FOXP1: variants seen among roughly 807,000 people sequenced by gnomAD.
FOXP1 encodes forkhead box protein P1.
FOXP1 carries 15 observed loss-of-function variants against 98.2 expected under a neutral mutation model. The ratio of observed to expected loss-of-function variants is 0.15; its 90% confidence interval spans 0.10 to 0.24. The LOEUF (loss-of-function observed/expected upper bound fraction) is 0.24. Among genes scored for constraint, FOXP1 ranks in the 10% least tolerant of loss-of-function variants. The probability of loss-of-function intolerance (pLI) is 1.00; values close to 1 mark genes in which losing one functional copy is unlikely to be tolerated. For synonymous variants in FOXP1, 371 were observed against 314.5 expected (o/e 1.18, Z -1.90); for missense variants, 633 against 848.5 (o/e 0.75, Z 3.15).
chr3:71,512,734 T>G (rs757765413), intron 2 of FOXP1, among the ~76,000 whole-genome samples: 1 of 152,170 alleles, frequency 6.6e-6, no homozygotes, highest in Non-Finnish European at 1.5e-5. Flanking sequence ...GTCAACCAAC[T>G]TGGATTCTCA....
chr3:71,040,529 A>G (rs1274152335), intron 11 of FOXP1: 1 of 152,310 alleles, frequency 6.6e-6, no homozygotes, highest in African/African-American at 2.4e-5. Flanking sequence ...TACTAAGAAT[A>G]CCATAACATG....
chr3:71,463,403 AC>A (rs1431570787), intron 3 of FOXP1, among the ~76,000 whole-genome samples: 2 of 146,972 alleles, frequency 1.4e-5, no homozygotes, highest in African/African-American at 5.0e-5. Flanking sequence ...GAATATACCC[AC>A]CACAGGTCAC....
At chr3:71,036,448 T>C (rs1465144478) in intron 11 of FOXP1, among the ~76,000 whole-genome samples, 1 of 152,060 alleles carries the variant, frequency 6.6e-6, no homozygotes, top group Non-Finnish European at 1.5e-5. Context: ...TTGGAACAAA[T>C]ACTTAGAACA....
chr3:70,977,124 T>C, intron 16 of FOXP1, 82 bp from the exon 17 acceptor site: 2 of 926,772 alleles, frequency 2.2e-6, no homozygotes, highest in Non-Finnish European at 3.6e-6. Flanking sequence ...AAATATAAAA[T>C]CACTGTGATT....
chr3:71,183,968 C>G (rs1299642300), intron 6 of FOXP1, among the ~76,000 whole-genome samples: 1 of 152,120 alleles, frequency 6.6e-6, no homozygotes, highest in African/African-American at 2.4e-5. Context: ...GCCTGACCAA[C>G]ATGGAGAAAC....
chr3:71,011,862 G>A lies in FOXP1; in HGVS notation c.974+3687C>T, dbSNP rs557102537. Among the ~76,000 whole-genome samples, 3 of 152,260 alleles carry A rather than the reference G, an allele frequency of 2.0e-5. No individual in the cohort carries two copies. The South Asian group carries it at 6.2e-4, about 32-fold the overall frequency. On this transcript the variant is annotated intron_variant, in intron 12 of 20. Coordinates refer to ENST00000649528, the MANE Select transcript of FOXP1 (RefSeq NM_001349338.3). ...TGCCAGACTTCTAATATCTTTAGAA[G>A]AGAAATGGGCTCTTTTATAGGAATT...
rs1310401541 is a variant in FOXP1 at position 71,023,288 on chromosome 3, C to T, written c.870-7635G>A. ...TCCATGTGCACAACTTTATGTCAAC[C>T]TAACAACACTGTAAGCCACAGAATC... On this transcript the variant is annotated intron_variant, in intron 11 of 20. Transcript: ENST00000649528. Among the ~76,000 whole-genome samples, 3 of 152,192 alleles carry T rather than the reference C, an allele frequency of 2.0e-5. No homozygotes were observed. The East Asian group carries it at 5.8e-4, about 29-fold the overall frequency.
intron 5 of FOXP1, among the ~76,000 whole-genome samples, chr3:71,240,643 C>T (rs1416147464): frequency 2.6e-5 from 4 of 151,874 alleles, no homozygotes; most frequent in South Asian, 4.1e-4. Context: ...CCGGGGTTCA[C>T]GCCATTCTCC....
At chr3:71,068,809 T>C (rs1456725877) in intron 7 of FOXP1, among the ~76,000 whole-genome samples, 4 of 152,212 alleles carry the variant, frequency 2.6e-5, no homozygotes, top group African/African-American at 7.2e-5. Context: ...ACATGCCTGA[T>C]GGCCTACTCA....
chr3:70,989,270 G>A lies in FOXP1; in HGVS notation c.1063-1193C>T, dbSNP rs964730982. 5.9e-5 allele frequency among the ~76,000 whole-genome samples: 9 copies of A among 152,038 alleles called. No homozygotes were observed. The South Asian group carries it at 1.5e-3, about 25-fold the overall frequency. On this transcript the variant is annotated intron_variant, in intron 13 of 20. Transcript: ENST00000649528. ...AAAAGCTTTCAGCTTATCCCTACTG[G>A]ATGACTCAGTCTCCAGCCATATCAC... is the stretch of plus-strand genomic sequence containing the variant.
At chr3:70,986,516 G>C (rs2039763646) in intron 14 of FOXP1, among the ~76,000 whole-genome samples, 2 of 152,322 alleles carry the variant, frequency 1.3e-5, no homozygotes, top group South Asian at 4.1e-4. Flanking sequence ...GCCATCTGAA[G>C]ACTTTCAAAA....
rs183529146 is a variant in FOXP1 at position 71,317,119 on chromosome 3, C to T, written c.-72-17239G>A. ...ATTCTAACAGCTCCTACTTTCTACT[C>T]CACTTTTACTACCCTCTAGGAAAAG... is the stretch of plus-strand genomic sequence containing the variant. On this transcript the variant is annotated intron_variant, in intron 4 of 20. Transcript: ENST00000649528. Among the ~76,000 whole-genome samples, 39 of 152,322 alleles carry T rather than the reference C, an allele frequency of 2.6e-4. No homozygotes were observed. In the South Asian group the frequency reaches 7.0e-3, roughly 28 times the overall value.
chr3:71,028,237 A>G (rs2046397298), intron 11 of FOXP1, among the ~76,000 whole-genome samples: 1 of 152,150 alleles, frequency 6.6e-6, no homozygotes, highest in Non-Finnish European at 1.5e-5. Context: ...TGGCTCTGAA[A>G]CCTGTATTTT....
chr3:71,018,669 A>G (rs2044896793), intron 11 of FOXP1, among the ~76,000 whole-genome samples: 1 of 152,220 alleles, frequency 6.6e-6, no homozygotes, highest in South Asian at 2.1e-4. Flanking sequence ...CTTTGGAAGG[A>G]GAGAGAACAA....
chr3:71,434,073 T>C (rs2084978184), intron 3 of FOXP1, among the ~76,000 whole-genome samples: 1 of 152,202 alleles, frequency 6.6e-6, no homozygotes, highest in Non-Finnish European at 1.5e-5. Flanking sequence ...GAAAAAGAGT[T>C]ACAAAATATT....
chr3:71,356,703 G>C (rs2078184304), intron 4 of FOXP1, among the ~76,000 whole-genome samples: 1 of 152,168 alleles, frequency 6.6e-6, no homozygotes, highest in South Asian at 2.1e-4. Context: ...CCAGGAAGTG[G>C]AAAAGGTGGA....
chr3:71,539,938 G>A (rs987969591), intron 2 of FOXP1, among the ~76,000 whole-genome samples: 1 of 152,174 alleles, frequency 6.6e-6, no homozygotes, highest in Non-Finnish European at 1.5e-5. Flanking sequence ...TGTCTGTCTT[G>A]CTTATCCTGC....
chr3:71,510,095 C>T (rs1013225222), intron 2 of FOXP1, among the ~76,000 whole-genome samples: 3 of 152,012 alleles, frequency 2.0e-5, no homozygotes, highest in Admixed American at 6.6e-5. Flanking sequence ...GCAGGAGAAT[C>T]GCTTGAACCC....
At chr3:71,521,368 A>C (rs1465791390) in intron 2 of FOXP1, among the ~76,000 whole-genome samples, 1 of 152,190 alleles carries the variant, frequency 6.6e-6, no homozygotes, top group African/African-American at 2.4e-5. Context: ...CTCTACTAAA[A>C]ATACAAAAAT....
Sources: allele counts gnomAD v4.1 joint callset (sites outside exome capture counted in the v4.1 genomes callset), GRCh38; gene constraint gnomAD v4.1.1; transcripts MANE v1.5; gene names NCBI Gene and HGNC (gene_info 2026-07-23, HGNC 2026-07-21).